Variants in CACNA1E observed in about 807,000 individuals in gnomAD.
The protein encoded by CACNA1E is voltage-dependent R-type calcium channel subunit alpha-1E.
In CACNA1E, 40 loss-of-function variants were observed where a neutral mutation model predicts 259.2. That is an observed-to-expected ratio of 0.15 (90% confidence interval 0.12 to 0.20). CACNA1E has a LOEUF of 0.20. Among genes scored for constraint, CACNA1E ranks in the 10% least tolerant of loss-of-function variants. CACNA1E has a pLI of 1.00. For missense variants in CACNA1E, 1,874 were observed against 3,040.1 expected (o/e 0.62, Z 9.02); for synonymous variants, 1,104 against 1,138.5 (o/e 0.97, Z 0.61).
intron 1 of CACNA1E, among the ~76,000 whole-genome samples, chr1:181,499,895 C>G (rs1665100494): frequency 1.3e-5 from 2 of 152,208 alleles, no homozygotes; most frequent in South Asian, 2.1e-4. Context: ...CTTGGCTGCT[C>G]CCTCTCAGTT....
intron 3 of CACNA1E, among the ~76,000 whole-genome samples, chr1:181,528,711 G>A: frequency 6.6e-6 from 1 of 152,176 alleles, no homozygotes; most frequent in Admixed American, 6.5e-5. Flanking sequence ...CAAAGAGACT[G>A]GTGGCCTATT....
intron 7 of CACNA1E, among the ~76,000 whole-genome samples, chr1:181,693,232 G>A (rs1224398743): frequency 1.3e-5 from 2 of 151,440 alleles, no homozygotes; most frequent in Middle Eastern, 3.2e-3. Context: ...AGCCCCTGTG[G>A]AAAGCAGTTT....
chr1:181,441,523 A>G (rs947856178), intron 2 of CACNA1E, among the ~76,000 whole-genome samples: 1 of 152,194 alleles, frequency 6.6e-6, no homozygotes, highest in Non-Finnish European at 1.5e-5. Flanking sequence ...TAAGAACACA[A>G]TGATTGGTCA....
At chr1:181,630,398 C>T (rs565709284) in intron 6 of CACNA1E, among the ~76,000 whole-genome samples, 26 of 150,700 alleles carry the variant, frequency 1.7e-4, no homozygotes, top group African/African-American at 6.4e-4. Flanking sequence ...CCCCACCCCG[C>T]CTTAAAACCT....
At chr1:181,674,224 A>C (rs1396716185) in intron 7 of CACNA1E, among the ~76,000 whole-genome samples, 1 of 59,678 alleles carries the variant, frequency 1.7e-5, no homozygotes, top group Non-Finnish European at 3.0e-5. Context: ...CTAAAAATAC[A>C]AAAAAAAAAA....
chr1:181,731,088 T>C (rs1429633013), intron 18 of CACNA1E, 87 bp from the exon 19 acceptor site: 1 of 1,020,182 alleles, frequency 9.8e-7, no homozygotes, highest in East Asian at 2.5e-5. Flanking sequence ...GGACTCCCTG[T>C]CTCCCTCTGG....
At chr1:181,404,114 A>G (rs1324093014) in intron 1 of CACNA1E, among the ~76,000 whole-genome samples, 1 of 152,242 alleles carries the variant, frequency 6.6e-6, no homozygotes, top group African/African-American at 2.4e-5. Context: ...GGATGTGGTT[A>G]CCTTGACTGG....
At chr1:181,678,537 CA>C (rs1157818236) in intron 7 of CACNA1E, among the ~76,000 whole-genome samples, 1 of 152,136 alleles carries the variant, frequency 6.6e-6, no homozygotes, top group Non-Finnish European at 1.5e-5. Context: ...ATGTATCTAA[CA>C]AGGACATACT....
intron 6 of CACNA1E, among the ~76,000 whole-genome samples, chr1:181,596,708 A>C (rs1391593810): frequency 6.6e-6 from 1 of 152,180 alleles, no homozygotes; most frequent in African/African-American, 2.4e-5. Flanking sequence ...GACTTGATAA[A>C]GGGTGTTTCT....
chr1:181,740,372 C>T (rs1656452568), intron 25 of CACNA1E, among the ~76,000 whole-genome samples: 2 of 152,324 alleles, frequency 1.3e-5, no homozygotes, highest in African/African-American at 2.4e-5. Context: ...AGGGTTTGCC[C>T]TTCTAAATGT....
intron 26 of CACNA1E, among the ~76,000 whole-genome samples, chr1:181,751,253 A>C (rs563009414): frequency 1.3e-5 from 1 of 77,862 alleles, no homozygotes; most frequent in East Asian, 2.2e-4. Flanking sequence ...GTATTTGTTC[A>C]TTTTATTCCT....
chr1:181,797,390 A>G (rs990876139), intron 47 of CACNA1E, among the ~76,000 whole-genome samples: 1 of 152,218 alleles, frequency 6.6e-6, no homozygotes, highest in Non-Finnish European at 1.5e-5. Context: ...TTTACTCCTT[A>G]CTACAGCCCT....
intron 1 of CACNA1E, among the ~76,000 whole-genome samples, chr1:181,355,232 T>C (rs1181510125): frequency 6.6e-6 from 1 of 151,942 alleles, no homozygotes; most frequent in African/African-American, 2.4e-5. Context: ...AGTTTCCTCA[T>C]CAGAAAAATG....
chr1:181,577,222 T>G (rs1007487345), intron 3 of CACNA1E, among the ~76,000 whole-genome samples: 2 of 152,238 alleles, frequency 1.3e-5, no homozygotes, highest in African/African-American at 4.8e-5. Context: ...ATAAAAATAC[T>G]GATACTATGT....
chr1:181,491,150 C>T (rs1664281725), intron 1 of CACNA1E, among the ~76,000 whole-genome samples: 1 of 152,214 alleles, frequency 6.6e-6, no homozygotes, highest in Admixed American at 6.5e-5. Flanking sequence ...TGGCAATTTC[C>T]AGCTGTGTTC....
At chr1:181,659,072 G>A (rs1007499288) in intron 7 of CACNA1E, among the ~76,000 whole-genome samples, 1 of 152,084 alleles carries the variant, frequency 6.6e-6, no homozygotes, top group Non-Finnish European at 1.5e-5. Context: ...TAGGGAGCAG[G>A]TTTCTTGTGA....
At chr1:181,372,225 T>A (rs191242100) in intron 1 of CACNA1E, among the ~76,000 whole-genome samples, 1 of 152,222 alleles carries the variant, frequency 6.6e-6, no homozygotes, top group Non-Finnish European at 1.5e-5. Flanking sequence ...TTCCTGTACA[T>A]GAGCATAAAA....
At chr1:181,534,255 A>G (rs1049744815) in intron 3 of CACNA1E, among the ~76,000 whole-genome samples, 2 of 152,158 alleles carry the variant, frequency 1.3e-5, no homozygotes, top group African/African-American at 2.4e-5. Context: ...CATCTAATTC[A>G]TAAACTCAAA....
intron 1 of CACNA1E, among the ~76,000 whole-genome samples, chr1:181,329,095 G>A (rs1170900585): frequency 6.6e-6 from 1 of 152,154 alleles, no homozygotes; most frequent in East Asian, 1.9e-4. Flanking sequence ...TTGGTGAGTG[G>A]CGTCTTCATC....
Sources: gnomAD v4.1 joint callset for allele counts (sites outside exome capture counted in the v4.1 genomes callset) on GRCh38, gnomAD v4.1.1 for gene constraint, MANE v1.5 for transcripts, NCBI Gene and HGNC (gene_info 2026-07-23, HGNC 2026-07-21) for gene names.